Variants in GALR1 observed in about 807,000 individuals in gnomAD.
The protein encoded by GALR1 is galanin receptor 1.
In GALR1, 11 loss-of-function variants were observed where a neutral mutation model predicts 17.9. The ratio of observed to expected loss-of-function variants is 0.62; its 90% CI spans 0.39 to 1.02. The LOEUF (loss-of-function observed/expected upper bound fraction) is 1.02. GALR1 is among the 50% of genes least tolerant of loss of function. GALR1 has a pLI of 0.01. For synonymous variants in GALR1, 206 were observed against 205.7 expected, an observed-to-expected ratio of 1.00 and a Z score of -0.01; for missense variants, 441 against 456.9, an observed-to-expected ratio of 0.97 and a Z score of 0.32.
At chr18:77,256,508 CT>C (rs1912594643) in intron 2 of GALR1, among the ~76,000 whole-genome samples, 1 of 39,354 alleles carries the variant, frequency 2.5e-5, no homozygotes, top group Non-Finnish European at 4.8e-5. Flanking sequence ...GGTGAGTGCA[CT>C]TAGGTTGACT....
At position 77,268,922 on chromosome 18, in the gene GALR1, A is replaced by C. The variant is rs1462948866; in HGVS notation, c.*20A>C. 6.4e-7 allele frequency: 1 copy of C among 1,572,876 alleles called. No individual in the cohort carries two copies. The highest frequency in any genetic ancestry group is 1.4e-5 in the African/African-American group (1 of 74,000). ...GTGTGATAAAAGATAGAGTATCCTT[A>C]TGGTTGAGTTTCCATATAAGTGGAC... is the stretch of plus-strand genomic sequence containing the variant. On this transcript the variant is annotated 3_prime_UTR_variant, in exon 3 of 3. Coordinates refer to ENST00000299727, the MANE Select transcript of GALR1 (RefSeq NM_001480.4).
chr18:77,259,311 G>GTGGTGATGATGGTGA (rs1568142210), intron 2 of GALR1, among the ~76,000 whole-genome samples: 1 of 19,388 alleles, frequency 5.2e-5, no homozygotes, highest in African/African-American at 8.6e-5. Context: ...GATGATGGTG[G>GTGGTGATGATGGTGA]TGATGATGGT....
chr18:77,263,688 C>T (rs1912881780), intron 2 of GALR1, among the ~76,000 whole-genome samples: 1 of 152,196 alleles, frequency 6.6e-6, no homozygotes, highest in South Asian at 2.1e-4. Flanking sequence ...ATCCTGGGCA[C>T]AGCTTCCTGG....
At chr18:77,253,875 G>C (rs1468251450) in intron 1 of GALR1, 1 of 152,180 alleles carries the variant, frequency 6.6e-6, no homozygotes, top group East Asian at 1.9e-4. Flanking sequence ...GCAGTCTTTT[G>C]CACCAGACAG....
rs1454196262 is a variant in GALR1 at position 77,272,566 on chromosome 18, T to C, written c.*3664T>C. 6.6e-6 allele frequency: 1 copy of C among 152,258 alleles called. No individual in the cohort carries two copies. Among genetic ancestry groups the C allele is most frequent in the African/African-American group, 2.4e-5 (1 of 41,470 alleles). 9.4% of individuals were successfully genotyped at this position (152,258 alleles called of 1,614,324 possible). ...AATACATCAATGTGGCTACTTCCTCTGGAAAGTTACTGTCTAAAATTTGTA... is the reference window on the plus strand; with the variant it reads ...AATACATCAATGTGGCTACTTCCTCCGGAAAGTTACTGTCTAAAATTTGTA... On this transcript the variant is annotated 3_prime_UTR_variant, in exon 3 of 3. Transcript: ENST00000299727.
rs1041344042 is a variant in GALR1, at chr18:77,277,877, GAAAAT to G, written c.*8981_*8985del. ...GTGATGGAACCAGTTTTCTTGCATT[GAAAAT>G]AAAATTTGTTCCTCAAAATGCTCTA... On this transcript the variant is annotated 3_prime_UTR_variant, in exon 3 of 3. Coordinates refer to ENST00000299727, the MANE Select transcript of GALR1 (RefSeq NM_001480.4). 1.4e-4 allele frequency: 22 copies of G among 152,090 alleles called. No individual in the cohort carries two copies. Among genetic ancestry groups the G allele is most frequent in the Non-Finnish European group, 2.8e-4 (19 of 68,018 alleles). The allele number at this position is 152,090 out of a possible 1,614,324, so 9.4% of individuals were successfully genotyped here. A position where few individuals can be genotyped will look rare whatever the true frequency, so the allele number is the denominator to read the frequency against.
At chr18:77,254,540 C>T (rs1599355431) in intron 1 of GALR1, among the ~76,000 whole-genome samples, 2 of 152,290 alleles carry the variant, frequency 1.3e-5, no homozygotes, top group Admixed American at 6.5e-5. Flanking sequence ...TTTGCTTGTG[C>T]GGCCTCTCCT....
intron 2 of GALR1, among the ~76,000 whole-genome samples, chr18:77,265,382 TG>T (rs957467766): frequency 6.6e-6 from 1 of 152,230 alleles, no homozygotes; most frequent in Non-Finnish European, 1.5e-5. Context: ...GCTCCTCCCC[TG>T]TGGCTTTGCA....
intron 2 of GALR1, among the ~76,000 whole-genome samples, chr18:77,264,133 C>CAAAA (rs56102250): frequency 8.4e-4 from 48 of 57,268 alleles, no homozygotes; most frequent in Non-Finnish European, 1.0e-3. Context: ...GACTCCATCT[C>CAAAA]AAAAAAAAAA....
intron 2 of GALR1, among the ~76,000 whole-genome samples, chr18:77,259,422 GA>G (rs1912765959): frequency 1.3e-5 from 2 of 150,698 alleles, no homozygotes; most frequent in Non-Finnish European, 3.0e-5. Context: ...TGGTGGTGAT[GA>G]TGGTCATGGT....
chr18:77,265,291 C>A (rs775663879), intron 2 of GALR1, among the ~76,000 whole-genome samples: 9 of 152,224 alleles, frequency 5.9e-5, no homozygotes, highest in Non-Finnish European at 1.3e-4. Flanking sequence ...AATCTTAAAG[C>A]TCCAAAATGA....
rs1912372943 is a variant in GALR1 at position 77,250,489 on chromosome 18, C to T, written c.-60C>T. ...CGGGACCCCTGGCCACCCCCGGCGC[C>T]TACTATCCCGCCCTCCCTCCCCGCG... On this transcript the variant is annotated 5_prime_UTR_variant, in exon 1 of 3. Transcript: ENST00000299727. 7.1e-7 allele frequency: 1 copy of T among 1,412,092 alleles called. No individual in the cohort carries two copies. Among genetic ancestry groups the T allele is most frequent in the Non-Finnish European group, 9.2e-7 (1 of 1,092,460 alleles). 87.5% of individuals were successfully genotyped at this position (1,412,092 alleles called of 1,614,324 possible). A position where few individuals can be genotyped will look rare whatever the true frequency, so the allele number is the denominator to read the frequency against.
rs891701129 is a variant in GALR1 at position 77,272,745 on chromosome 18, A to G, written c.*3843A>G. Reference sequence around the variant, plus strand: ...TAATGACTTGTTTAATTATTGACTTACTTATTTTAAAAGCTGTATGTAGTA... The same window carrying G: ...TAATGACTTGTTTAATTATTGACTTGCTTATTTTAAAAGCTGTATGTAGTA... On this transcript the variant is annotated 3_prime_UTR_variant, in exon 3 of 3. Coordinates refer to ENST00000299727, the MANE Select transcript of GALR1 (RefSeq NM_001480.4). The G allele has an allele frequency of 6.6e-6, 1 of 152,262 alleles. No individual in the cohort carries two copies. Among genetic ancestry groups the G allele is most frequent in the Non-Finnish European group, 1.5e-5 (1 of 68,040 alleles). The allele number at this position is 152,262 out of a possible 1,614,324, so 9.4% of individuals were successfully genotyped here.
At chr18:77,258,621 G>GGTGGTGA (rs1912663752) in intron 2 of GALR1, among the ~76,000 whole-genome samples, 1 of 148,150 alleles carries the variant, frequency 6.7e-6, no homozygotes, top group African/African-American at 2.6e-5. Context: ...GATGGTGGTG[G>GGTGGTGA]TGGTGATGGT....
rs1913119113 is a variant in GALR1 at position 77,274,515 on chromosome 18, C to T, written c.*5613C>T. 6.6e-6 allele frequency: 1 copy of T among 152,196 alleles called. No individual in the cohort carries two copies. Among genetic ancestry groups the T allele is most frequent in the Non-Finnish European group, 1.5e-5 (1 of 68,074 alleles). The allele number at this position is 152,196 out of a possible 1,614,324, so 9.4% of individuals were successfully genotyped here. ...TATATAATGGACTTGTGCCAAGTACCTAAGGGTTCACTGCCTTGTTTGAGG... is the reference window on the plus strand; with the variant it reads ...TATATAATGGACTTGTGCCAAGTACTTAAGGGTTCACTGCCTTGTTTGAGG... On this transcript the variant is annotated 3_prime_UTR_variant, in exon 3 of 3. Transcript: ENST00000299727.
chr18:77,262,427 C>T (rs992444580), intron 2 of GALR1, among the ~76,000 whole-genome samples: 2 of 152,168 alleles, frequency 1.3e-5, no homozygotes, highest in Admixed American at 1.3e-4. Flanking sequence ...GAACTTCTTG[C>T]CCCGTGTCCC....
intron 2 of GALR1, among the ~76,000 whole-genome samples, chr18:77,261,365 G>A (rs1912827319): frequency 6.6e-6 from 1 of 152,218 alleles, no homozygotes; most frequent in Non-Finnish European, 1.5e-5. Context: ...GTCTGACGGA[G>A]ACGGAGGACC....
chr18:77,258,651 A>ATGGTGG (rs1912669616), intron 2 of GALR1, among the ~76,000 whole-genome samples: 1 of 110,080 alleles, frequency 9.1e-6, no homozygotes, highest in Non-Finnish European at 2.0e-5. Flanking sequence ...GGTGGTGGTC[A>ATGGTGG]TAGTGGTGGT....
Position 77,250,638 on chromosome 18 carries a change from C to A in GALR1, c.90C>A (p.Gly30=). 6.3e-7 allele frequency: 1 copy of A among 1,599,562 alleles called. No individual in the cohort carries two copies. The highest frequency in any genetic ancestry group is 1.1e-5 in the South Asian group (1 of 89,574). The change falls in exon 1 of 3, where the codon GGC becomes GGA. Residue 30 remains glycine, a synonymous_variant. Transcript: ENST00000299727. The part of the protein sequence containing the change: ...APEPGPLFGI[G]VENFVTLVVF... ...AGCCCGGGCCGCTGTTCGGCATCGGCGTGGAGAACTTCGTCACGCTGGTGG... is the reference window on the plus strand; with the variant it reads ...AGCCCGGGCCGCTGTTCGGCATCGGAGTGGAGAACTTCGTCACGCTGGTGG...
Sources: allele counts gnomAD v4.1 joint callset (sites outside exome capture counted in the v4.1 genomes callset), GRCh38; gene constraint gnomAD v4.1.1; transcripts MANE v1.5; gene names NCBI Gene and HGNC (gene_info 2026-07-23, HGNC 2026-07-21).